Variants in PCDHGB7 observed in about 807,000 individuals in gnomAD.
PCDHGB7 encodes the protein protocadherin gamma-B7.
Under a neutral mutation model 61.4 loss-of-function variants are expected in PCDHGB7, and 37 were observed. The observed-to-expected ratio is 0.60, with a 90% CI of 0.46 to 0.79. The LOEUF is 0.79. Ranked by LOEUF, PCDHGB7 falls within the 30% of genes least tolerant of loss-of-function variation. The pLI is 0.00. For missense variants in PCDHGB7, 1,166 were observed against 1,202.5 expected (o/e 0.97, Z 0.45); for synonymous variants, 464 against 503.5 (o/e 0.92, Z 1.05).
At chr5:141,510,358 C>T (rs186470331) in intron 3 of PCDHGB7, among the ~76,000 whole-genome samples, 187 of 144,062 alleles carry the variant, frequency 1.3e-3, no homozygotes, top group African/African-American at 4.6e-3. Context: ...ACTAACGGAA[C>T]TACCGAATCT....
At position 141,420,135 on chromosome 5, in the gene PCDHGB7, A is replaced by T. The variant is rs2096469364; in HGVS notation, c.2276A>T (p.Asp759Val). ...PYAYNFCVPG[D>V]QMNPEFNFFT... ...GCCTATAATTTTTGTGTGCCTGGGG[A>T]TCAAATGAATCCAGAATTTAATTTT... Residue 759 changes from aspartate (D) to valine (V), a missense_variant, in exon 1 of 4, where the codon GAT becomes GTT. By Grantham distance (152) the Asp-to-Val change is radical. Transcript: ENST00000398594. 6.2e-7 allele frequency: 1 copy of T among 1,614,026 alleles called. No homozygotes were observed.
intron 1 of PCDHGB7, among the ~76,000 whole-genome samples, chr5:141,482,985 C>T (rs971017271): frequency 1.3e-5 from 2 of 151,372 alleles, no homozygotes; most frequent in East Asian, 1.9e-4. Context: ...CTTGAGAGGT[C>T]GAGGCAGGAG....
intron 1 of PCDHGB7, among the ~76,000 whole-genome samples, chr5:141,460,995 A>G (rs566978077): frequency 1.1e-4 from 17 of 150,188 alleles, no homozygotes; most frequent in South Asian, 2.1e-4. Flanking sequence ...ATATATATAT[A>G]TGTGTATATA....
At chr5:141,503,598 C>CTAA (rs2099824827) in intron 2 of PCDHGB7, among the ~76,000 whole-genome samples, 2 of 65,752 alleles carry the variant, frequency 3.0e-5, no homozygotes, top group African/African-American at 9.3e-5. Flanking sequence ...GACTCCAGCT[C>CTAA]AAAAAAAAAA....
intron 1 of PCDHGB7, among the ~76,000 whole-genome samples, chr5:141,443,070 T>C (rs983773796): frequency 6.6e-6 from 1 of 152,244 alleles, no homozygotes; most frequent in African/African-American, 2.4e-5. Flanking sequence ...GAGCGTCTTA[T>C]GACTGAGTGT....
At chr5:141,441,872 G>A (rs1400648028) in intron 1 of PCDHGB7, 4 of 341,526 alleles carry the variant, frequency 1.2e-5, no homozygotes, top group East Asian at 9.4e-5. Context: ...GCGGAGCCTG[G>A]CTACCTGGTC....
rs749221752 is a variant in PCDHGB7 at position 141,432,670 on chromosome 5, G to T, written c.2415+12396G>T. ...CGCGAGCCCTGCTGGACAGAGACGCGCTCAAGCAGAGCCTCGTAGTGGCCG... is the reference window on the plus strand; with the variant it reads ...CGCGAGCCCTGCTGGACAGAGACGCTCTCAAGCAGAGCCTCGTAGTGGCCG... On this transcript the variant is annotated intron_variant, in intron 1 of 3. Coordinates refer to ENST00000398594, the MANE Select transcript of PCDHGB7 (RefSeq NM_018927.4). This position sits in a 1 kb window ranked among gnomAD's most constrained non-coding sequence, Gnocchi z 6.0. 7 of 1,613,750 alleles carry T rather than the reference G, an allele frequency of 4.3e-6. No homozygotes were observed. The African/African-American group carries it at 5.3e-5, about 12-fold the overall frequency.
chr5:141,494,926 G>T, intron 2 of PCDHGB7, 61 bp downstream of exon 2: 1 of 1,613,498 alleles, frequency 6.2e-7, no homozygotes, highest in Non-Finnish European at 8.5e-7. Flanking sequence ...GGATGACGTG[G>T]GAGGAGATGG....
intron 1 of PCDHGB7, among the ~76,000 whole-genome samples, chr5:141,451,134 T>C (rs567790185): frequency 9.9e-5 from 15 of 152,254 alleles, no homozygotes; most frequent in African/African-American, 3.6e-4. Context: ...AGCCTTATGA[T>C]TGTATTTAGA....
chr5:141,433,056 G>C, intron 1 of PCDHGB7: 10 of 1,614,204 alleles, frequency 6.2e-6, no homozygotes, highest in Non-Finnish European at 8.5e-6. Context: ...TCGCGGAAGA[G>C]TCACCTGATC....
chr5:141,441,195 A>C (rs1160365905), intron 1 of PCDHGB7: 1 of 152,224 alleles, frequency 6.6e-6, no homozygotes, highest in Non-Finnish European at 1.5e-5. Context: ...TGATTCCCAA[A>C]GATTCTGCAC....
Position 141,432,084 on chromosome 5 carries a change from TG to T in PCDHGB7, c.2415+11812del. 6.2e-7 allele frequency: 1 copy of T among 1,614,186 alleles called. No homozygotes were observed. Among genetic ancestry groups the T allele is most frequent in the Non-Finnish European group, 8.5e-7 (1 of 1,180,034 alleles). ...ACGGAAACTCATATCTCGCTGAACG[TG>T]GCAGACACCAACGACAACCCGCCGG... On this transcript the variant is annotated intron_variant, in intron 1 of 3. Transcript: ENST00000398594. The surrounding 1 kb of genome is among the most constrained non-coding windows in gnomAD (Gnocchi z 6.0).
At position 141,485,120 on chromosome 5, in the gene PCDHGB7, G is replaced by T; in HGVS notation, c.2416-9687G>T. The T allele has an allele frequency of 7.4e-7, 1 of 1,348,050 alleles. No individual in the cohort carries two copies. Among genetic ancestry groups the T allele is most frequent in the Non-Finnish European group, 1.0e-6 (1 of 952,710 alleles). 83.5% of individuals were successfully genotyped at this position (1,348,050 alleles called of 1,614,324 possible). On this transcript the variant is annotated intron_variant, in intron 1 of 3. Transcript: ENST00000398594. The surrounding 1 kb of genome is among the most constrained non-coding windows in gnomAD (Gnocchi z 5.7). ...TCCAGCTGCTGTGGCTGTTTGGGGC[G>T]GGTCGGCTTCATCCGCGTCTCAGGA...
At chr5:141,434,883 C>T (rs1490696834) in intron 1 of PCDHGB7, among the ~76,000 whole-genome samples, 1 of 151,644 alleles carries the variant, frequency 6.6e-6, no homozygotes, top group Non-Finnish European at 1.5e-5. Context: ...ATACCAACAA[C>T]AATCCAGTCC....
chr5:141,442,317 A>T (rs1257883989), intron 1 of PCDHGB7: 2 of 152,400 alleles, frequency 1.3e-5, no homozygotes, highest in Admixed American at 6.5e-5. Context: ...ACGGATGTCT[A>T]TCCCGCGCTA....
chr5:141,435,929 G>A (rs926025053), intron 1 of PCDHGB7, among the ~76,000 whole-genome samples: 10 of 152,134 alleles, frequency 6.6e-5, no homozygotes, highest in African/African-American at 2.4e-4. Flanking sequence ...TGCGGCAGTT[G>A]CTGCTTCTGA....
rs765249445 is a variant in PCDHGB7, at chr5:141,489,754, C to T, written c.2416-5053C>T. ...CACCAATACTGTGAGCTTTTACACT[C>T]TAAGCCCCAACAGCCACTTCTCTCT... is the stretch of plus-strand genomic sequence containing the variant. On this transcript the variant is annotated intron_variant, in intron 1 of 3. Coordinates refer to ENST00000398594, the MANE Select transcript of PCDHGB7 (RefSeq NM_018927.4). The surrounding 1 kb of genome is among the most constrained non-coding windows in gnomAD (Gnocchi z 4.5). The T allele has an allele frequency of 4.0e-5, 64 of 1,613,992 alleles. No individual in the cohort carries two copies. The South Asian group carries it at 6.8e-4, about 17-fold the overall frequency.
At position 141,419,182 on chromosome 5, in the gene PCDHGB7, C is replaced by T; in HGVS notation, c.1323C>T (p.His441=). 2 of 1,613,986 alleles carry T rather than the reference C, an allele frequency of 1.2e-6. No individual in the cohort carries two copies. Among genetic ancestry groups the T allele is most frequent in the Non-Finnish European group, 1.7e-6 (2 of 1,179,892 alleles). Reference sequence around the variant, plus strand: ...CCTCCAGCAAAACCATAACCCTGCACATTACTGACGTCAATGACAACGCGC... The same window carrying T: ...CCTCCAGCAAAACCATAACCCTGCATATTACTGACGTCAATGACAACGCGC... The part of the protein sequence containing the change: ...PLSSSKTITL[H]ITDVNDNAPV... The change falls in exon 1 of 4, where the codon CAC becomes CAT. Residue 441 remains histidine, a synonymous_variant. Coordinates refer to ENST00000398594, the MANE Select transcript of PCDHGB7 (RefSeq NM_018927.4).
intron 1 of PCDHGB7, among the ~76,000 whole-genome samples, chr5:141,472,113 A>G (rs1296591849): frequency 1.3e-5 from 2 of 152,260 alleles, no homozygotes; most frequent in East Asian, 3.8e-4. Flanking sequence ...ATACATAAAG[A>G]AAATAAAAGA....
Sources: gnomAD v4.1 joint callset for allele counts (sites outside exome capture counted in the v4.1 genomes callset) on GRCh38, gnomAD v4.1.1 for gene constraint, Gnocchi (gnomAD v3.1) non-coding constraint, MANE v1.5 for transcripts, NCBI Gene and HGNC (gene_info 2026-07-23, HGNC 2026-07-21) for gene names.